Variants in NOMO1 observed in about 807,000 individuals in gnomAD.
The protein encoded by NOMO1 is nodal modulator 3.
NOMO1 carries 40 observed loss-of-function variants against 133.8 expected under a neutral mutation model. The observed-to-expected ratio is 0.30, with a 90% CI of 0.23 to 0.39. The LOEUF is 0.39. NOMO1 is among the 10% of genes least tolerant of loss of function. NOMO1 has a pLI of 1.00. For synonymous variants in NOMO1, 236 were observed against 570.5 expected, an observed-to-expected ratio of 0.41 and a Z score of 8.36; for missense variants, 462 against 1,419.9, an observed-to-expected ratio of 0.33 and a Z score of 10.84.
At chr16:14,839,713 C>T (rs1054945126) in intron 2 of NOMO1, among the ~76,000 whole-genome samples, 3 of 151,342 alleles carry the variant, frequency 2.0e-5, no homozygotes, top group African/African-American at 7.3e-5. Context: ...TGCATGCTTT[C>T]AACATTAGCA....
chr16:14,864,429 G>A (rs910259299), intron 12 of NOMO1, among the ~76,000 whole-genome samples, 156 bp from the exon 13 acceptor site: 10 of 151,948 alleles, frequency 6.6e-5, no homozygotes, highest in African/African-American at 2.4e-4. Context: ...CAAGTTATTC[G>A]TGGATTTGTT....
At chr16:14,857,086 G>C in intron 9 of NOMO1, 131 bp from the exon 10 acceptor site, 1 of 1,051,922 alleles carries the variant, frequency 9.5e-7, no homozygotes, top group Non-Finnish European at 1.5e-6. Flanking sequence ...CACAGGACCG[G>C]GGCACTGAGT....
At chr16:14,859,948 A>G (rs1963898172) in intron 11 of NOMO1, among the ~76,000 whole-genome samples, 1 of 151,994 alleles carries the variant, frequency 6.6e-6, no homozygotes, top group Non-Finnish European at 1.5e-5. Flanking sequence ...CCTGCATAGG[A>G]TAGGAAGGAC....
At position 14,878,749 on chromosome 16, in the gene NOMO1, C is replaced by G; in HGVS notation, c.2672C>G (p.Pro891Arg). The G allele has an allele frequency of 6.2e-7, 1 of 1,611,772 alleles. No individual in the cohort carries two copies. ...AAAGCTGAGGATGACCAGCCCCTCC[C>G]GGGAGTCCTCTTATCCCTGAGCGGT... Reference protein sequence around the residue: ...EIKAEDDQPLPGVLLSLSGGL... With the variant: ...EIKAEDDQPLRGVLLSLSGGL... Residue 891 changes from proline to arginine, a missense_variant, in exon 23 of 31, where the codon CCG becomes CGG. Transcript: ENST00000287667.
chr16:14,867,209 A>T (rs1314282519), intron 15 of NOMO1, among the ~76,000 whole-genome samples: 1 of 22,112 alleles, frequency 4.5e-5, no homozygotes, highest in Non-Finnish European at 9.3e-5. Context: ...TTTTTTTGAG[A>T]TGGAGTCTTG....
intron 13 of NOMO1, 69 bp from the exon 14 acceptor site, chr16:14,864,955 G>T (rs1963971839): frequency 1.2e-6 from 2 of 1,609,572 alleles, no homozygotes; most frequent in Non-Finnish European, 1.7e-6. Context: ...ATTACATAGG[G>T]TTAGGATTCA....
chr16:14,889,594 G>A (rs1964378400), intron 29 of NOMO1, among the ~76,000 whole-genome samples: 1 of 151,926 alleles, frequency 6.6e-6, no homozygotes, highest in African/African-American at 2.4e-5. Context: ...AAGAAGGCAT[G>A]TCCATACAAC....
At chr16:14,866,470 A>G in intron 14 of NOMO1, 85 bp from the exon 15 acceptor site, 4 of 1,608,418 alleles carry the variant, frequency 2.5e-6, no homozygotes, top group Non-Finnish European at 1.7e-6. Flanking sequence ...AAAATTGATT[A>G]ATTCATGATC....
chr16:14,874,940 C>G, intron 18 of NOMO1, 96 bp from the exon 19 acceptor site: 4 of 1,116,892 alleles, frequency 3.6e-6, no homozygotes, highest in Non-Finnish European at 3.9e-6. Context: ...ATAAGATGTC[C>G]AGTTTGTAAC....
intron 12 of NOMO1, among the ~76,000 whole-genome samples, chr16:14,864,382 T>C (rs1224050648): frequency 6.6e-6 from 1 of 152,026 alleles, no homozygotes; most frequent in Non-Finnish European, 1.5e-5. Flanking sequence ...CTGTTGAGGC[T>C]AATTTTTCAT....
At chr16:14,868,704 G>A in intron 16 of NOMO1, 69 bp downstream of exon 16, 1 of 1,048,580 alleles carries the variant, frequency 9.5e-7, no homozygotes, top group Non-Finnish European at 1.5e-6. Context: ...GGTTTTGAAG[G>A]CATTTTTTTC....
chr16:14,884,124 A>G (rs1217665190), intron 26 of NOMO1, among the ~76,000 whole-genome samples: 1 of 150,362 alleles, frequency 6.7e-6, no homozygotes, highest in Non-Finnish European at 1.5e-5. Flanking sequence ...AATTTTTAAC[A>G]TGTTGGCAAG....
intron 26 of NOMO1, among the ~76,000 whole-genome samples, chr16:14,883,002 TG>T (rs1205219859): frequency 6.6e-6 from 1 of 152,084 alleles, no homozygotes; most frequent in Non-Finnish European, 1.5e-5. Context: ...TAATAGAACA[TG>T]GGCTTAATGG....
chr16:14,874,700 G>C (rs2151005867), intron 18 of NOMO1, among the ~76,000 whole-genome samples: 1 of 152,088 alleles, frequency 6.6e-6, no homozygotes, highest in East Asian at 1.9e-4. Flanking sequence ...TTCTCTATCA[G>C]AGCAGTTCTC....
At chr16:14,839,420 A>C (rs1280165848) in intron 2 of NOMO1, among the ~76,000 whole-genome samples, 1 of 149,842 alleles carries the variant, frequency 6.7e-6, no homozygotes, top group African/African-American at 2.5e-5. Context: ...TCAGATAGCC[A>C]CGGGTACACA....
chr16:14,885,565 T>G (rs932109201), intron 27 of NOMO1, among the ~76,000 whole-genome samples: 4 of 151,660 alleles, frequency 2.6e-5, no homozygotes, highest in Non-Finnish European at 5.9e-5. Flanking sequence ...GGTGAGAAAG[T>G]GTGTGTGCGC....
At chr16:14,860,296 A>T (rs1306028476) in intron 11 of NOMO1, among the ~76,000 whole-genome samples, 2 of 148,770 alleles carry the variant, frequency 1.3e-5, no homozygotes, top group East Asian at 3.9e-4. Context: ...TGAACCCGGG[A>T]GGCAGGGGTT....
intron 4 of NOMO1, among the ~76,000 whole-genome samples, chr16:14,845,321 C>T (rs1028432958): frequency 2.6e-5 from 4 of 151,916 alleles, no homozygotes; most frequent in East Asian, 1.9e-4. Context: ...TACAGGTGTA[C>T]GCTGTGCACC....
In NOMO1 at chr16:14,873,398, G is replaced by A. The variant is rs1256791568; in HGVS notation, c.2054+1069G>A. 3.7e-5 allele frequency among the ~76,000 whole-genome samples: 5 copies of A among 136,066 alleles called. No homozygotes were observed. The East Asian group carries it at 1.0e-3, about 27-fold the overall frequency. The allele number at this position is 136,066 out of a possible 152,430, so 89.3% of individuals were successfully genotyped here. On this transcript the variant is annotated intron_variant, in intron 18 of 30. Transcript: ENST00000287667. ...GGGAGGCAATGGGGGCCCCAGACTAGTGGCTGCGGAGATGGAGAGCGACGG... is the reference window on the plus strand; with the variant it reads ...GGGAGGCAATGGGGGCCCCAGACTAATGGCTGCGGAGATGGAGAGCGACGG...
Sources: gnomAD v4.1 joint callset for allele counts (sites outside exome capture counted in the v4.1 genomes callset) on GRCh38, gnomAD v4.1.1 for gene constraint, MANE v1.5 for transcripts, NCBI Gene and HGNC (gene_info 2026-07-23, HGNC 2026-07-21) for gene names.